The following SERPINI2 variants were observed in gnomAD, a reference collection of about 807,000 sequenced individuals.
SERPINI2 encodes the protein serpin family I member 2.
A neutral mutation model predicts 47.3 loss-of-function variants in SERPINI2; 48 were observed. The observed-to-expected ratio is 1.02, with a 90% CI of 0.81 to 1.29. The LOEUF is 1.29. Ranked by LOEUF, SERPINI2 falls within the 50% of genes most tolerant of loss-of-function variation. The pLI is 0.00. For synonymous variants in SERPINI2, 135 were observed against 149.3 expected (o/e 0.90, Z 0.70); for missense variants, 448 against 456.9 (o/e 0.98, Z 0.18).
chr3:167,462,938 A>G (rs141936760), intron 5 of SERPINI2, among the ~76,000 whole-genome samples: 4 of 152,316 alleles, frequency 2.6e-5, no homozygotes, highest in African/African-American at 2.4e-5. Context: ...ATGCTGTCAA[A>G]GGAAATTCTG....
At chr3:167,446,567 G>A in intron 7 of SERPINI2, 86 bp from the exon 8 acceptor site, 1 of 830,968 alleles carries the variant, frequency 1.2e-6, no homozygotes, top group Non-Finnish European at 1.9e-6. Flanking sequence ...TTGTAGACAG[G>A]AAAAGTCATT....
chr3:167,457,633 C>G (rs4955673), intron 5 of SERPINI2, among the ~76,000 whole-genome samples: 82,618 of 152,064 alleles, frequency 0.54, 23,218 homozygotes, highest in African/African-American at 0.7. Context: ...AGCAACAAAT[C>G]CTCATTGAAT....
At chr3:167,445,054 C>A (rs1749434272) in intron 8 of SERPINI2, among the ~76,000 whole-genome samples, 1 of 152,044 alleles carries the variant, frequency 6.6e-6, no homozygotes, top group Non-Finnish European at 1.5e-5. Flanking sequence ...AAATGACATA[C>A]TTAGAATACA....
chr3:167,447,223 A>G (rs2108151300), intron 7 of SERPINI2, among the ~76,000 whole-genome samples: 1 of 152,318 alleles, frequency 6.6e-6, no homozygotes, highest in East Asian at 1.9e-4. Context: ...TAAAATCACT[A>G]TGTATCATTA....
At chr3:167,464,359 G>A (rs1750073910) in intron 5 of SERPINI2, among the ~76,000 whole-genome samples, 1 of 152,104 alleles carries the variant, frequency 6.6e-6, no homozygotes. Flanking sequence ...TAGTTGAGAA[G>A]AGAATTAGGA....
At chr3:167,473,079 A>G (rs955028989) in intron 1 of SERPINI2, among the ~76,000 whole-genome samples, 1 of 151,750 alleles carries the variant, frequency 6.6e-6, no homozygotes, top group Non-Finnish European at 1.5e-5. Context: ...ATATTTATAT[A>G]TAAAGATTAC....
intron 8 of SERPINI2, among the ~76,000 whole-genome samples, chr3:167,442,411 T>C (rs1235985598): frequency 1.3e-5 from 2 of 152,114 alleles, no homozygotes; most frequent in Admixed American, 6.6e-5. Flanking sequence ...CACTACAGCT[T>C]GTCATGGAAA....
At chr3:167,476,196 T>C (rs1346662899), upstream of SERPINI2, among the ~76,000 whole-genome samples, 3 of 151,858 alleles carry the variant, frequency 2.0e-5, no homozygotes, top group Admixed American at 2.0e-4. Flanking sequence ...TAATTGAATC[T>C]GAATGTTAAT....
At chr3:167,448,722 C>A (rs930197538) in intron 7 of SERPINI2, among the ~76,000 whole-genome samples, 5 of 152,080 alleles carry the variant, frequency 3.3e-5, no homozygotes, top group African/African-American at 1.2e-4. Flanking sequence ...CGGGGTTTCA[C>A]CGTGTTATCC....
chr3:167,445,264 T>G (rs1257459112), intron 8 of SERPINI2, among the ~76,000 whole-genome samples: 5 of 152,312 alleles, frequency 3.3e-5, no homozygotes, highest in Non-Finnish European at 7.4e-5. Context: ...AGATTCAGAT[T>G]CTGCAATTAA....
exon 6 of SERPINI2, chr3:167,453,008 A>C (rs372569509): frequency 6.3e-7 from 1 of 1,599,102 alleles, no homozygotes; most frequent in Non-Finnish European, 8.5e-7. Context: ...ACGTCTTTGA[A>C]GTCTACTTTT....
At chr3:167,462,418 C>T (rs1750009269) in intron 5 of SERPINI2, among the ~76,000 whole-genome samples, 1 of 152,160 alleles carries the variant, frequency 6.6e-6, no homozygotes, top group Non-Finnish European at 1.5e-5. Flanking sequence ...TTCTATGCCT[C>T]TCTTGTTGAT....
At chr3:167,476,803 ATC>A (rs1750491815), upstream of SERPINI2, among the ~76,000 whole-genome samples, 1 of 152,020 alleles carries the variant, frequency 6.6e-6, no homozygotes, top group African/African-American at 2.4e-5. Context: ...ACCTAAAATA[ATC>A]TCTTATACAT....
exon 8 of SERPINI2, chr3:167,446,448 T>C (rs201972300): frequency 6.2e-7 from 1 of 1,609,824 alleles, no homozygotes; most frequent in Non-Finnish European, 8.5e-7. Flanking sequence ...AAATTGGCTT[T>C]GAGCCAGACT....
At chr3:167,457,617 G>T (rs1376716537) in intron 5 of SERPINI2, among the ~76,000 whole-genome samples, 3 of 152,166 alleles carry the variant, frequency 2.0e-5, no homozygotes, top group Admixed American at 1.3e-4. Context: ...CCACTACTCA[G>T]TTTAAAGCAA....
At chr3:167,465,738 G>T in intron 3 of SERPINI2, 65 bp from the exon 4 acceptor site, 1 of 1,371,384 alleles carries the variant, frequency 7.3e-7, no homozygotes, top group Non-Finnish European at 9.9e-7. Context: ...GAATTGCTTT[G>T]AATAGAATTA....
chr3:167,473,918 G>A (rs188852640), intron 1 of SERPINI2, 85 bp downstream of exon 1: 2 of 1,165,612 alleles, frequency 1.7e-6, no homozygotes, highest in Admixed American at 4.0e-5. Context: ...AAATTGAAAT[G>A]CCATTCCATA....
intron 5 of SERPINI2, among the ~76,000 whole-genome samples, chr3:167,455,389 T>C (rs1749755470): frequency 1.3e-5 from 2 of 152,188 alleles, no homozygotes; most frequent in Non-Finnish European, 2.9e-5. Flanking sequence ...ATGACCTACT[T>C]CTGGCCTCCA....
In SERPINI2 at chr3:167,464,009, C is replaced by CTTT. The variant is rs555948215; in HGVS notation, c.866+1194_866+1196dup. ...TGCAGTAGTTGAAGAACAGGAGTGG[C>CTTT]TTTTTTTTTTTTTTTTTTTTTGGAT... On this transcript the variant is annotated intron_variant, in intron 5 of 8. Coordinates refer to ENST00000264677, the Ensembl canonical transcript of SERPINI2. Among the ~76,000 whole-genome samples the CTTT allele has an allele frequency of 5.4e-4, 50 of 93,266 alleles. 1 individual carries two copies. The highest frequency in any genetic ancestry group is 1.1e-3 in the East Asian group (3 of 2,676). The allele number at this position is 93,266 out of a possible 152,430, so 61.2% of individuals were successfully genotyped here.
Sources: gnomAD v4.1 joint callset for allele counts (sites outside exome capture counted in the v4.1 genomes callset) on GRCh38, gnomAD v4.1.1 for gene constraint, MANE v1.5 for transcripts, NCBI Gene and HGNC (gene_info 2026-07-23, HGNC 2026-07-21) for gene names.